The following ANXA10 variants were observed in gnomAD, a reference collection of about 807,000 sequenced individuals.
The protein encoded by ANXA10 is annexin A10.
In ANXA10, 49 loss-of-function variants were observed where a neutral mutation model predicts 53.5. The ratio of observed to expected loss-of-function variants is 0.92; its 90% CI spans 0.73 to 1.16. The LOEUF (loss-of-function observed/expected upper bound fraction) is 1.16, where lower values mean the gene tolerates loss of function less well. ANXA10 is among the 50% of genes most tolerant of loss of function. The pLI, the probability that ANXA10 is intolerant of heterozygous loss-of-function variation, is 0.00. For missense variants in ANXA10, 393 were observed against 394.4 expected (o/e 1.00, Z 0.03); for synonymous variants, 131 against 128.9 (o/e 1.02, Z -0.11).
chr4:168,149,033 T>C (rs1285139397), intron 3 of ANXA10, among the ~76,000 whole-genome samples: 1 of 152,166 alleles, frequency 6.6e-6, no homozygotes, highest in Non-Finnish European at 1.5e-5. Context: ...GGTATTATTT[T>C]GTTTGTTTTG....
intron 3 of ANXA10, 47 bp downstream of exon 3, chr4:168,139,627 A>T (rs1313657940): frequency 1.4e-6 from 2 of 1,416,548 alleles, no homozygotes; most frequent in Non-Finnish European, 2.0e-6. Context: ...TCTCTTGAGA[A>T]CTAACCACAC....
chr4:168,181,191 A>G (rs981611884), intron 9 of ANXA10, among the ~76,000 whole-genome samples: 1 of 152,056 alleles, frequency 6.6e-6, no homozygotes, highest in Non-Finnish European at 1.5e-5. Context: ...GGAGATCGAG[A>G]CCATCCTGGC....
At chr4:168,110,752 T>C (rs1347619326) in intron 1 of ANXA10, among the ~76,000 whole-genome samples, 1 of 152,074 alleles carries the variant, frequency 6.6e-6, no homozygotes, top group Non-Finnish European at 1.5e-5. Context: ...TAAAATCACA[T>C]ACTCTTGCTT....
chr4:168,116,658 G>A (rs891598931), intron 1 of ANXA10, among the ~76,000 whole-genome samples: 15 of 151,566 alleles, frequency 9.9e-5, no homozygotes, highest in African/African-American at 3.2e-4. Flanking sequence ...ATTTATTATT[G>A]TAGAAGAAAT....
chr4:168,187,441 G>A lies in ANXA10; in HGVS notation c.*7G>A. The A allele has an allele frequency of 6.4e-7, 1 of 1,571,746 alleles. No homozygotes were observed. Among genetic ancestry groups the A allele is most frequent in the South Asian group, 1.2e-5 (1 of 82,914 alleles). ...TGATGCTGAGGACTACTAAAATGAA[G>A]AGGACTTGGAGTACTGTGCACTCCT... On this transcript the variant is annotated 3_prime_UTR_variant, in exon 12 of 12. Transcript: ENST00000359299.
At chr4:168,150,026 T>A (rs1401607719) in intron 3 of ANXA10, among the ~76,000 whole-genome samples, 1 of 152,168 alleles carries the variant, frequency 6.6e-6, no homozygotes, top group Admixed American at 6.5e-5. Context: ...CTAAACCAAA[T>A]AGCTCTCAAA....
chr4:168,139,636 A>C, intron 3 of ANXA10, 56 bp downstream of exon 3: 2 of 1,316,902 alleles, frequency 1.5e-6, no homozygotes, highest in Non-Finnish European at 2.1e-6. Flanking sequence ...AACTAACCAC[A>C]CTCACGGATA....
chr4:168,181,755 A>T lies in ANXA10; in HGVS notation c.783+14A>T. On this transcript the variant is annotated intron_variant, in intron 10 of 11. Transcript: ENST00000359299. ...AGTGCAATTCATGTAAGTAAGACAT[A>T]TATTTTTAAAATTTCTCCAGAAATT... 1 of 1,527,860 alleles carries T rather than the reference A, an allele frequency of 6.5e-7. No homozygotes were observed. The highest frequency in any genetic ancestry group is 2.3e-5 in the East Asian group (1 of 44,316). 94.6% of individuals were successfully genotyped at this position (1,527,860 alleles called of 1,614,324 possible). A position where few individuals can be genotyped will look rare whatever the true frequency, so the allele number is the denominator to read the frequency against.
chr4:168,102,360 C>T (rs1372153440), intron 1 of ANXA10, among the ~76,000 whole-genome samples: 1 of 151,996 alleles, frequency 6.6e-6, no homozygotes, highest in Non-Finnish European at 1.5e-5. Context: ...TAGAAGACTT[C>T]CATTATCCAA....
intron 1 of ANXA10, among the ~76,000 whole-genome samples, chr4:168,114,651 C>T (rs1397118855): frequency 6.6e-6 from 1 of 152,070 alleles, no homozygotes; most frequent in African/African-American, 2.4e-5. Context: ...CAAAATCCAC[C>T]CTCTGAAAGG....
At chr4:168,093,886 A>C (rs114144344) in intron 1 of ANXA10, among the ~76,000 whole-genome samples, 3,655 of 152,218 alleles carry the variant, frequency 0.024, 57 homozygotes, top group Middle Eastern at 0.038. Context: ...AACAATCTTA[A>C]TTTCATCTTA....
chr4:168,175,095 T>G (rs1732100997), intron 6 of ANXA10, among the ~76,000 whole-genome samples: 1 of 152,044 alleles, frequency 6.6e-6, no homozygotes, highest in African/African-American at 2.4e-5. Context: ...ACTTGGACCT[T>G]CCAAAATTAA....
At chr4:168,166,742 T>C (rs537530678) in intron 6 of ANXA10, among the ~76,000 whole-genome samples, 14 of 151,690 alleles carry the variant, frequency 9.2e-5, no homozygotes, top group Non-Finnish European at 1.9e-4. Context: ...AAAGGCATAG[T>C]AGTTAGCAAA....
At chr4:168,128,328 A>G (rs997325866) in intron 2 of ANXA10, among the ~76,000 whole-genome samples, 163 bp downstream of exon 2, 3 of 152,102 alleles carry the variant, frequency 2.0e-5, no homozygotes, top group African/African-American at 4.8e-5. Context: ...GAGAAGAAAA[A>G]TAATATAAAA....
intron 6 of ANXA10, among the ~76,000 whole-genome samples, chr4:168,166,401 T>G (rs1157501339): frequency 6.6e-6 from 1 of 152,212 alleles, no homozygotes; most frequent in Non-Finnish European, 1.5e-5. Flanking sequence ...CTTGAAAATA[T>G]TCCACATATT....
At chr4:168,169,812 T>C (rs1053923088) in intron 6 of ANXA10, among the ~76,000 whole-genome samples, 2 of 152,224 alleles carry the variant, frequency 1.3e-5, no homozygotes, top group Admixed American at 6.5e-5. Context: ...CGATCAAAAC[T>C]CAAATCCTCT....
At chr4:168,152,155 G>A (rs1460044082) in intron 3 of ANXA10, among the ~76,000 whole-genome samples, 1 of 152,140 alleles carries the variant, frequency 6.6e-6, no homozygotes, top group South Asian at 2.1e-4. Context: ...AAATGCTTTG[G>A]AAAAAAAGCA....
intron 2 of ANXA10, among the ~76,000 whole-genome samples, chr4:168,134,950 T>C (rs1191561846): frequency 6.6e-6 from 1 of 152,204 alleles, no homozygotes; most frequent in Admixed American, 6.5e-5. Flanking sequence ...AGGAGGGACT[T>C]AATTTCAAAA....
chr4:168,174,651 A>T (rs953756670), intron 6 of ANXA10, among the ~76,000 whole-genome samples: 1 of 152,200 alleles, frequency 6.6e-6, no homozygotes, highest in Non-Finnish European at 1.5e-5. Context: ...CACAGAAAAA[A>T]AATCCTGTGT....
Sources: allele counts gnomAD v4.1 joint callset (sites outside exome capture counted in the v4.1 genomes callset), GRCh38; gene constraint gnomAD v4.1.1; transcripts MANE v1.5; gene names NCBI Gene and HGNC (gene_info 2026-07-23, HGNC 2026-07-21).